The following MAP2K5 variants were observed in gnomAD, a reference collection of about 807,000 sequenced individuals.
MAP2K5 encodes mitogen-activated protein kinase kinase 5.
Under a neutral mutation model 83.1 loss-of-function variants are expected in MAP2K5, and 49 were observed. The ratio of observed to expected loss-of-function variants is 0.59; its 90% CI spans 0.47 to 0.75. The LOEUF (loss-of-function observed/expected upper bound fraction) is 0.75. Among genes scored for constraint, MAP2K5 ranks in the 30% least tolerant of loss-of-function variants. The probability of loss-of-function intolerance (pLI) is 0.00; values close to 1 mark genes in which losing one functional copy is unlikely to be tolerated. For missense variants in MAP2K5, 457 were observed against 557.5 expected (o/e 0.82, Z 1.82); for synonymous variants, 202 against 191.8 (o/e 1.05, Z -0.44).
intron 6 of MAP2K5, among the ~76,000 whole-genome samples, chr15:67,590,123 CA>C (rs1358702401): frequency 1.3e-5 from 2 of 152,008 alleles, no homozygotes; most frequent in Non-Finnish European, 2.9e-5. Context: ...TGTGGTGGGA[CA>C]TTAAAGTCAA....
At chr15:67,751,417 T>C (rs1438797831) in intron 19 of MAP2K5, among the ~76,000 whole-genome samples, 1 of 152,162 alleles carries the variant, frequency 6.6e-6, no homozygotes, top group Non-Finnish European at 1.5e-5. Context: ...TCAACAGAAC[T>C]TCTTACCTTA....
chr15:67,601,414 G>T (rs1301702648), intron 8 of MAP2K5, among the ~76,000 whole-genome samples: 1 of 152,020 alleles, frequency 6.6e-6, no homozygotes, highest in Non-Finnish European at 1.5e-5. Flanking sequence ...GTAATATCTG[G>T]TACTTAATAG....
intron 9 of MAP2K5, among the ~76,000 whole-genome samples, chr15:67,631,252 T>C (rs1212657512): frequency 2.0e-5 from 3 of 152,228 alleles, no homozygotes; most frequent in Non-Finnish European, 4.4e-5. Context: ...CTTTTCCTTC[T>C]TTAAATATGC....
intron 17 of MAP2K5, among the ~76,000 whole-genome samples, chr15:67,742,989 A>G (rs181144155): frequency 2.0e-5 from 3 of 152,280 alleles, no homozygotes; most frequent in Admixed American, 2.0e-4. Flanking sequence ...TTGTGTGAAA[A>G]TGCATTGTCC....
At position 67,563,639 on chromosome 15, in the gene MAP2K5, T is replaced by C. The variant is rs180685949; in HGVS notation, c.252+289T>C. ...ATTTCCTGTATTTTTTATGCAGTAC[T>C]TAAAGTAACGGCTCATTAAAAATGA... On this transcript the variant is annotated intron_variant, in intron 3 of 21. Coordinates refer to ENST00000178640, the MANE Select transcript of MAP2K5 (RefSeq NM_145160.3). The surrounding 1 kb of genome is among the most constrained non-coding windows in gnomAD (Gnocchi z 4.5). 2.0e-4 allele frequency among the ~76,000 whole-genome samples: 30 copies of C among 152,342 alleles called. No individual in the cohort carries two copies. The highest frequency in any genetic ancestry group is 7.2e-4 in the African/African-American group (30 of 41,572).
At chr15:67,614,100 G>T (rs1258656003) in intron 8 of MAP2K5, among the ~76,000 whole-genome samples, 1 of 152,152 alleles carries the variant, frequency 6.6e-6, no homozygotes, top group Non-Finnish European at 1.5e-5. Flanking sequence ...CACAAAGCTT[G>T]TTGGGACATG....
chr15:67,684,911 T>G (rs1388593403), intron 13 of MAP2K5, among the ~76,000 whole-genome samples: 1 of 152,200 alleles, frequency 6.6e-6, no homozygotes, highest in Non-Finnish European at 1.5e-5. Flanking sequence ...TTTCTACTAC[T>G]AGAAAAAATA....
rs959863081 is a variant in MAP2K5, at chr15:67,781,975, T to C, written c.1242+9223T>C. 1.3e-5 allele frequency among the ~76,000 whole-genome samples: 2 copies of C among 152,248 alleles called. No individual in the cohort carries two copies. Among genetic ancestry groups the C allele is most frequent in the African/African-American group, 4.8e-5 (2 of 41,462 alleles). ...TGGATTTTCATGGTGATTGACAGCA[T>C]TTGATTATGACAGTAACTTTATTTG... On this transcript the variant is annotated intron_variant, in intron 21 of 21. Coordinates refer to ENST00000178640, the MANE Select transcript of MAP2K5 (RefSeq NM_145160.3). The surrounding 1 kb of genome is among the most constrained non-coding windows in gnomAD (Gnocchi z 4.0).
In MAP2K5 at chr15:67,552,987, C is replaced by A. The variant is rs905661303; in HGVS notation, c.184+2905C>A. On this transcript the variant is annotated intron_variant, in intron 2 of 21. Coordinates refer to ENST00000178640, the MANE Select transcript of MAP2K5 (RefSeq NM_145160.3). The surrounding 1 kb of genome is among the most constrained non-coding windows in gnomAD (Gnocchi z 4.2). The stretch of plus-strand genomic sequence containing the variant: ...TGTACTTTTTACTTGCTTTTCGGAT[C>A]CCCAAAGTGGCTTGATGTGCCTGTG... 6.6e-6 allele frequency among the ~76,000 whole-genome samples: 1 copy of A among 152,096 alleles called. No homozygotes were observed. The highest frequency in any genetic ancestry group is 1.5e-5 in the Non-Finnish European group (1 of 68,016).
chr15:67,762,648 C>T (rs1044714153), intron 19 of MAP2K5, among the ~76,000 whole-genome samples: 2 of 150,776 alleles, frequency 1.3e-5, no homozygotes, highest in Non-Finnish European at 2.9e-5. Context: ...TCTCTTTTAT[C>T]CCAATACTGA....
intron 8 of MAP2K5, among the ~76,000 whole-genome samples, chr15:67,607,246 G>T (rs149197373): frequency 3.9e-5 from 6 of 152,270 alleles, no homozygotes; most frequent in Non-Finnish European, 8.8e-5. Flanking sequence ...TGACTGGATT[G>T]CATTATAGTA....
At chr15:67,762,235 G>A (rs548728543) in intron 19 of MAP2K5, among the ~76,000 whole-genome samples, 6 of 152,182 alleles carry the variant, frequency 3.9e-5, no homozygotes, top group Non-Finnish European at 7.3e-5. Context: ...CCTTCGGTAT[G>A]AGACAAGTAT....
In MAP2K5 at chr15:67,804,170, C is replaced by A. The variant is rs139978558; in HGVS notation, c.1243-2476C>A. On this transcript the variant is annotated intron_variant, in intron 21 of 21. Transcript: ENST00000178640. ...CCCGCCTGCCTGCCTCTGGACAGCA[C>A]CTCCTGCTCTCGGGTCCTACACACT... 3.8e-3 allele frequency among the ~76,000 whole-genome samples: 580 copies of A among 152,312 alleles called. 4 individuals are homozygous for A. The highest frequency in any genetic ancestry group is 0.013 in the African/African-American group (558 of 41,556).
chr15:67,796,683 GT>G (rs1453574752), intron 21 of MAP2K5, among the ~76,000 whole-genome samples: 3 of 150,644 alleles, frequency 2.0e-5, no homozygotes, highest in Non-Finnish European at 4.5e-5. Flanking sequence ...TTCACATTTA[GT>G]TTTACATTGG....
In MAP2K5 at chr15:67,577,941, A is replaced by C. The variant is rs2085098194; in HGVS notation, c.253-2813A>C. On this transcript the variant is annotated intron_variant, in intron 3 of 21. Coordinates refer to ENST00000178640, the MANE Select transcript of MAP2K5 (RefSeq NM_145160.3). The surrounding 1 kb of genome is among the most constrained non-coding windows in gnomAD (Gnocchi z 4.1). ...CTTGAACCTGGGAGGTGTAGGTTGC[A>C]GTGGGCCAAGATTGTGCCACTGTAC... Among the ~76,000 whole-genome samples, 1 of 152,172 alleles carries C rather than the reference A, an allele frequency of 6.6e-6. No individual in the cohort carries two copies. Among genetic ancestry groups the C allele is most frequent in the East Asian group, 1.9e-4 (1 of 5,194 alleles).
At chr15:67,592,829 C>T (rs999094032) in intron 6 of MAP2K5, 97 bp from the exon 7 acceptor site, 1 of 823,780 alleles carries the variant, frequency 1.2e-6, no homozygotes, top group Non-Finnish European at 2.0e-6. Flanking sequence ...TGCTCAATCC[C>T]TATATGTAAA....
At chr15:67,618,249 G>A (rs1034160384) in intron 8 of MAP2K5, among the ~76,000 whole-genome samples, 2 of 152,112 alleles carry the variant, frequency 1.3e-5, no homozygotes, top group Non-Finnish European at 2.9e-5. Flanking sequence ...TGGCAGTGGG[G>A]GAGATATAAC....
intron 16 of MAP2K5, among the ~76,000 whole-genome samples, chr15:67,707,503 G>A (rs2088585336): frequency 6.6e-6 from 1 of 152,174 alleles, no homozygotes; most frequent in African/African-American, 2.4e-5. Flanking sequence ...TCTCTTTCTA[G>A]TAGAAACTTT....
chr15:67,738,236 T>C lies in MAP2K5; in HGVS notation c.1075-9995T>C, dbSNP rs576171584. 4.6e-5 allele frequency among the ~76,000 whole-genome samples: 7 copies of C among 152,302 alleles called. No individual in the cohort carries two copies. In the South Asian group the frequency reaches 1.5e-3, roughly 32 times the overall value. On this transcript the variant is annotated intron_variant, in intron 17 of 21. Transcript: ENST00000178640. The surrounding 1 kb of genome is among the most constrained non-coding windows in gnomAD (Gnocchi z 4.1). ...AAGGGGTAATGAAGCTTGTCTTGTTTTGTTTTCTGTTCAGAAACAAGTTGC... is the reference window on the plus strand; with the variant it reads ...AAGGGGTAATGAAGCTTGTCTTGTTCTGTTTTCTGTTCAGAAACAAGTTGC...
Sources: gnomAD v4.1 joint callset for allele counts (sites outside exome capture counted in the v4.1 genomes callset) on GRCh38, gnomAD v4.1.1 for gene constraint, Gnocchi (gnomAD v3.1) non-coding constraint, MANE v1.5 for transcripts, NCBI Gene and HGNC (gene_info 2026-07-23, HGNC 2026-07-21) for gene names.